The following GORASP2 variants were observed in gnomAD, a reference collection of about 807,000 sequenced individuals.
The protein encoded by GORASP2 is golgi reassembly stacking protein 2.
In GORASP2, 22 loss-of-function variants were observed where a neutral mutation model predicts 45.7. That is an observed-to-expected ratio of 0.48 (90% CI 0.34 to 0.69). The LOEUF (loss-of-function observed/expected upper bound fraction) is 0.69, where lower values mean the gene tolerates loss of function less well. Among genes scored for constraint, GORASP2 ranks in the 30% least tolerant of loss-of-function variants. The pLI, the probability that GORASP2 is intolerant of heterozygous loss-of-function variation, is 0.01. For synonymous variants in GORASP2, 221 were observed against 215.6 expected (o/e 1.02, Z -0.22); for missense variants, 491 against 562.7 (o/e 0.87, Z 1.29).
At chr2:170,939,868 A>G (rs770037733) in intron 1 of GORASP2, among the ~76,000 whole-genome samples, 2 of 152,206 alleles carry the variant, frequency 1.3e-5, no homozygotes, top group Admixed American at 1.3e-4. Context: ...TTGATCACCT[A>G]CGCACACATA....
intron 1 of GORASP2, among the ~76,000 whole-genome samples, chr2:170,935,873 G>A (rs1243421784): frequency 6.6e-6 from 1 of 152,154 alleles, no homozygotes; most frequent in Non-Finnish European, 1.5e-5. Context: ...ACTGCGCCCG[G>A]CCTGTATATG....
intron 9 of GORASP2, among the ~76,000 whole-genome samples, chr2:170,964,656 AAAAAAT>A (rs796275642): frequency 7.2e-5 from 11 of 152,184 alleles, no homozygotes; most frequent in African/African-American, 2.4e-4. Context: ...CCGTCTCAAA[AAAAAAT>A]AAAAATAAAA....
intron 7 of GORASP2, among the ~76,000 whole-genome samples, chr2:170,958,889 C>CA (rs1704489194): frequency 6.6e-6 from 1 of 152,118 alleles, no homozygotes; most frequent in Admixed American, 6.5e-5. Flanking sequence ...AGGCTGGTCT[C>CA]AAACTCCTGA....
chr2:170,935,354 A>T (rs1487521263), intron 1 of GORASP2, among the ~76,000 whole-genome samples: 3 of 151,950 alleles, frequency 2.0e-5, no homozygotes, highest in Non-Finnish European at 4.4e-5. Context: ...ACTCCAGTTC[A>T]AGTGATTCTC....
upstream of GORASP2, chr2:170,928,881 T>C (rs919436569): frequency 7.8e-5 from 12 of 154,756 alleles, no homozygotes; most frequent in African/African-American, 2.9e-4. Context: ...TTGGTGTGTG[T>C]TGAGTTCGCT....
At chr2:170,962,807 T>C in intron 8 of GORASP2, 32 bp from the exon 9 acceptor site, 1 of 1,393,394 alleles carries the variant, frequency 7.2e-7, no homozygotes, top group Non-Finnish European at 1.0e-6. Flanking sequence ...GTCAAGTGAT[T>C]TCTCTTTTTT....
chr2:170,937,066 G>A (rs539438232), intron 1 of GORASP2, among the ~76,000 whole-genome samples: 3 of 152,186 alleles, frequency 2.0e-5, no homozygotes, highest in African/African-American at 4.8e-5. Context: ...GAATTAGACC[G>A]GCATGATGGC....
In GORASP2 at chr2:170,966,544, G is replaced by A. The variant is rs756934541; in HGVS notation, c.*414G>A. On this transcript the variant is annotated 3_prime_UTR_variant, in exon 10 of 10. Transcript: ENST00000234160. ...TTCTTGTACTTTGTAAGTCGTTTGC[G>A]AGAATGCAGACCACCTCACTAAACT... 13 of 217,554 alleles carry A rather than the reference G, an allele frequency of 6.0e-5. No homozygotes were observed. Among genetic ancestry groups the A allele is most frequent in the Non-Finnish European group, 1.0e-4 (11 of 108,316 alleles). The allele number at this position is 217,554 out of a possible 1,614,324, so 13.5% of individuals were successfully genotyped here.
intron 4 of GORASP2, 53 bp downstream of exon 4, chr2:170,950,343 G>T: frequency 1.2e-6 from 1 of 854,018 alleles, no homozygotes; most frequent in East Asian, 2.8e-5. Context: ...TCTCATTGAG[G>T]TTTGAGTTGA....
At chr2:170,951,565 G>C in intron 5 of GORASP2, 107 bp downstream of exon 5, 1 of 913,096 alleles carries the variant, frequency 1.1e-6, no homozygotes, top group Non-Finnish European at 1.6e-6. Context: ...TTTATTTTAA[G>C]ACTCCTCTTA....
chr2:170,932,265 CTTTCTT>C (rs1703842139), intron 1 of GORASP2, among the ~76,000 whole-genome samples: 1 of 152,242 alleles, frequency 6.6e-6, no homozygotes. Flanking sequence ...ACCCTTCTCT[CTTTCTT>C]TTTGTTACCT....
intron 1 of GORASP2, among the ~76,000 whole-genome samples, chr2:170,946,698 G>A (rs531223998): frequency 4.5e-4 from 68 of 149,590 alleles, no homozygotes; most frequent in Non-Finnish European, 7.5e-4. Context: ...TTGGGAGGCC[G>A]AGGCGGGCAG....
At chr2:170,950,667 A>G (rs952698579) in intron 4 of GORASP2, among the ~76,000 whole-genome samples, 4 of 152,162 alleles carry the variant, frequency 2.6e-5, no homozygotes, top group African/African-American at 9.7e-5. Context: ...AGCTAGCGGA[A>G]GTATACATTG....
At chr2:170,929,660 G>C (rs1469155388) in intron 1 of GORASP2, 3 of 613,440 alleles carry the variant, frequency 4.9e-6, no homozygotes, top group Non-Finnish European at 9.2e-6. Flanking sequence ...GACTCGGCCA[G>C]GGGGCGGCCC....
chr2:170,954,426 G>T (rs950036123), intron 5 of GORASP2: 3 of 497,766 alleles, frequency 6.0e-6, no homozygotes, highest in Admixed American at 3.5e-5. Context: ...GGAGGGCAGG[G>T]TGTTGTTTTC....
chr2:170,939,156 T>C (rs1229786505), intron 1 of GORASP2, among the ~76,000 whole-genome samples: 1 of 152,250 alleles, frequency 6.6e-6, no homozygotes, highest in African/African-American at 2.4e-5. Context: ...TCAATTTCTT[T>C]CGATGTTGTT....
chr2:170,939,163 T>G (rs1332732515), intron 1 of GORASP2, among the ~76,000 whole-genome samples: 2 of 152,252 alleles, frequency 1.3e-5, no homozygotes, highest in Non-Finnish European at 2.9e-5. Context: ...CTTTCGATGT[T>G]GTTTTTCTAA....
intron 9 of GORASP2, among the ~76,000 whole-genome samples, chr2:170,963,850 G>A (rs776445464): frequency 1.3e-5 from 2 of 151,942 alleles, no homozygotes; most frequent in African/African-American, 2.4e-5. Context: ...TCACCATGTT[G>A]CCCAGGCTGG....
chr2:170,956,324 C>A, intron 6 of GORASP2, 112 bp from the exon 7 acceptor site: 1 of 899,390 alleles, frequency 1.1e-6, no homozygotes, highest in Non-Finnish European at 1.6e-6. Context: ...AAGCTTGTGA[C>A]AGCTCATGTG....
Sources: allele counts gnomAD v4.1 joint callset (sites outside exome capture counted in the v4.1 genomes callset), GRCh38; gene constraint gnomAD v4.1.1; transcripts MANE v1.5; gene names NCBI Gene and HGNC (gene_info 2026-07-23, HGNC 2026-07-21).